The following RYR2 variants were observed in gnomAD, a reference collection of about 807,000 sequenced individuals.
RYR2 encodes cardiac muscle ryanodine receptor-calcium release channel.
Under a neutral mutation model 601.1 loss-of-function variants are expected in RYR2, and 227 were observed. That is an observed-to-expected ratio of 0.38 (90% CI 0.34 to 0.42). The LOEUF is 0.42. RYR2 is among the 10% of genes least tolerant of loss of function. The pLI is 1.00. For missense variants in RYR2, 4,646 were observed against 6,156.5 expected (o/e 0.75, Z 8.21); for synonymous variants, 2,223 against 2,175.1 (o/e 1.02, Z -0.61).
chr1:237,310,680 T>G (rs78862235), intron 2 of RYR2, among the ~76,000 whole-genome samples: 1,713 of 152,358 alleles, frequency 0.011, 12 homozygotes, highest in Non-Finnish European at 0.017. Flanking sequence ...CTTCTGGGTG[T>G]GTCTTTAACC....
At chr1:237,554,186 G>T (rs1205304803) in intron 27 of RYR2, among the ~76,000 whole-genome samples, 1 of 151,760 alleles carries the variant, frequency 6.6e-6, no homozygotes, top group Non-Finnish European at 1.5e-5. Flanking sequence ...CTTAGTTTGT[G>T]GGTGATTTTA....
chr1:237,413,203 G>A (rs147017561), intron 10 of RYR2, among the ~76,000 whole-genome samples: 24 of 152,012 alleles, frequency 1.6e-4, no homozygotes, highest in East Asian at 1.5e-3. Flanking sequence ...TCCCCGCCTG[G>A]CAATAAATAA....
At position 237,701,822 on chromosome 1, in the gene RYR2, C is replaced by A. The variant is rs1008248864; in HGVS notation, c.9368-156C>A. 3.3e-5 allele frequency among the ~76,000 whole-genome samples: 5 copies of A among 152,214 alleles called. No homozygotes were observed. In the East Asian group the frequency reaches 9.7e-4, roughly 29 times the overall value. ...CTTGTTTCACTGAAGATAACAACCC[C>A]CAGTTCCATCCATGTTGCTGCAAAA... On this transcript the variant is annotated intron_variant, in intron 65 of 104. Transcript: ENST00000366574.
intron 41 of RYR2, among the ~76,000 whole-genome samples, chr1:237,631,063 G>T (rs1010343679): frequency 5.9e-5 from 9 of 152,114 alleles, no homozygotes; most frequent in African/African-American, 2.2e-4. Context: ...TATATATGAA[G>T]AATTTTTATA....
At chr1:237,189,372 C>A (rs944578187) in intron 1 of RYR2, among the ~76,000 whole-genome samples, 2 of 152,152 alleles carry the variant, frequency 1.3e-5, no homozygotes, top group Non-Finnish European at 2.9e-5. Flanking sequence ...CACAGGTGTG[C>A]AAATTATCTC....
Position 237,792,233 on chromosome 1 carries a change from C to A in RYR2, c.13692C>A (p.Ser4564Arg), listed in dbSNP as rs1658462008. 6.2e-7 allele frequency: 1 copy of A among 1,613,626 alleles called. No individual in the cohort carries two copies. The highest frequency in any genetic ancestry group is 8.5e-7 in the Non-Finnish European group (1 of 1,179,768). The change falls in exon 94 of 105, where the codon AGC becomes AGA. Residue 4564 changes from serine (S) to arginine (R), a missense_variant. Around this residue, in one of 17 missense-constraint regions of RYR2, gnomAD observed 364 missense variants for 442.9 expected, o/e 0.82. Coordinates refer to ENST00000366574, the MANE Select transcript of RYR2 (RefSeq NM_001035.3). ...CAGTTCACTATGTACTAGAGGAGAGCAGCGGCTACATGGAGCCCACGTTGC... is the reference window on the plus strand; with the variant it reads ...CAGTTCACTATGTACTAGAGGAGAGAAGCGGCTACATGGAGCCCACGTTGC... ...IIAVHYVLEESSGYMEPTLRI... is the reference protein window; with the variant it reads ...IIAVHYVLEERSGYMEPTLRI...
At position 237,610,953 on chromosome 1, in the gene RYR2, G is replaced by A. The variant is rs369323506; in HGVS notation, c.4875G>A (p.Leu1625=). Residue 1625 remains leucine, a synonymous_variant, in exon 36 of 105, where the codon CTG becomes CTA. Transcript: ENST00000366574. This position sits in a 1 kb window ranked among gnomAD's most constrained non-coding sequence, Gnocchi z 4.9. Reference sequence around the variant, plus strand: ...GGTTGGTGCAGTGTTTGGATCCTCTGCAGTTCATGTCTCTTCATATCCCTG... The same window carrying A: ...GGTTGGTGCAGTGTTTGGATCCTCTACAGTTCATGTCTCTTCATATCCCTG... ...QGWLVQCLDP[L]QFMSLHIPEE... is the part of the protein sequence containing the mutation. 2.4e-5 allele frequency: 38 copies of A among 1,613,250 alleles called. No homozygotes were observed. The highest frequency in any genetic ancestry group is 1.6e-4 in the Middle Eastern group (1 of 6,076).
At chr1:237,644,211 A>G (rs1373522172) in intron 48 of RYR2, among the ~76,000 whole-genome samples, 1 of 152,036 alleles carries the variant, frequency 6.6e-6, no homozygotes, top group African/African-American at 2.4e-5. Flanking sequence ...CTCTCTGTTA[A>G]AAAGAGTGTT....
At chr1:237,139,288 C>G (rs1427499502) in intron 1 of RYR2, among the ~76,000 whole-genome samples, 2 of 152,166 alleles carry the variant, frequency 1.3e-5, no homozygotes, top group Admixed American at 1.3e-4. Flanking sequence ...CAAAGGACAA[C>G]ATCTGTGGGA....
chr1:237,623,815 A>G lies in RYR2; in HGVS notation c.5967A>G (p.Pro1989=), dbSNP rs773695060. ...ATGACAAAAGTGAATGTCCATGTCC[A>G]GAAGAAATTCGTGACCAACTATTGG... ...FKDDKSECPC[P]EEIRDQLLDF... Residue 1989 remains proline, a synonymous_variant, in exon 39 of 105, where the codon CCA becomes CCG. Transcript: ENST00000366574. 1 of 1,613,692 alleles carries G rather than the reference A, an allele frequency of 6.2e-7. No individual in the cohort carries two copies. Among genetic ancestry groups the G allele is most frequent in the South Asian group, 1.1e-5 (1 of 91,072 alleles).
intron 1 of RYR2, among the ~76,000 whole-genome samples, chr1:237,097,307 G>C (rs542272058): frequency 6.0e-4 from 92 of 152,248 alleles, no homozygotes; most frequent in African/African-American, 2.0e-3. Flanking sequence ...AGTTAAAAGG[G>C]GGAAGAAACT....
intron 56 of RYR2, among the ~76,000 whole-genome samples, chr1:237,663,697 C>G (rs1015401868): frequency 1.3e-5 from 2 of 152,196 alleles, no homozygotes; most frequent in Admixed American, 6.5e-5. Context: ...AAAAGAATAA[C>G]TGGCATATAT....
At chr1:237,194,185 T>G (rs1296229698) in intron 1 of RYR2, among the ~76,000 whole-genome samples, 1 of 152,218 alleles carries the variant, frequency 6.6e-6, no homozygotes, top group Non-Finnish European at 1.5e-5. Context: ...ACTCTATGAA[T>G]TTTGAGTTCC....
intron 34 of RYR2, among the ~76,000 whole-genome samples, chr1:237,599,042 T>C (rs1676206595): frequency 6.6e-6 from 1 of 152,102 alleles, no homozygotes; most frequent in Non-Finnish European, 1.5e-5. Flanking sequence ...AAGAAATGGA[T>C]AAATTCCTAG....
At chr1:237,684,251 T>C (rs1037760264) in intron 62 of RYR2, among the ~76,000 whole-genome samples, 2 of 152,096 alleles carry the variant, frequency 1.3e-5, no homozygotes, top group African/African-American at 4.8e-5. Flanking sequence ...CAGATATTTC[T>C]GAATGCCACC....
chr1:237,334,016 A>G (rs1330036401), intron 3 of RYR2, among the ~76,000 whole-genome samples: 1 of 152,180 alleles, frequency 6.6e-6, no homozygotes, highest in Non-Finnish European at 1.5e-5. Flanking sequence ...TACGTAATTC[A>G]GTAAATTAAA....
At chr1:237,619,159 G>A (rs958577010) in intron 38 of RYR2, among the ~76,000 whole-genome samples, 2 of 152,160 alleles carry the variant, frequency 1.3e-5, no homozygotes, top group African/African-American at 4.8e-5. Flanking sequence ...TAAAAATCAT[G>A]TGTGTGAAGA....
chr1:237,424,506 G>C (rs890538313), intron 12 of RYR2, among the ~76,000 whole-genome samples: 1 of 152,126 alleles, frequency 6.6e-6, no homozygotes, highest in African/African-American at 2.4e-5. Flanking sequence ...AATGTTATTA[G>C]ATGAGGAAAA....
intron 1 of RYR2, among the ~76,000 whole-genome samples, chr1:237,096,084 A>G (rs1553292855): frequency 6.6e-6 from 1 of 152,120 alleles, no homozygotes; most frequent in Non-Finnish European, 1.5e-5. Flanking sequence ...GGGATCCTGA[A>G]AATTGTTTGG....
Sources: gnomAD v4.1 joint callset for allele counts (sites outside exome capture counted in the v4.1 genomes callset) on GRCh38, gnomAD v4.1.1 for gene constraint, gnomAD v4.1.1 regional missense constraint, Gnocchi (gnomAD v3.1) non-coding constraint, MANE v1.5 for transcripts, NCBI Gene and HGNC (gene_info 2026-07-23, HGNC 2026-07-21) for gene names.